The following NCOR2 variants were observed in gnomAD, a reference collection of about 807,000 sequenced individuals.
The protein encoded by NCOR2 is nuclear receptor corepressor 2, also known as CTG repeat protein 26.
A neutral mutation model predicts 262.9 loss-of-function variants in NCOR2; 81 were observed. That is an observed-to-expected ratio of 0.31 (90% confidence interval 0.26 to 0.37). NCOR2 has a LOEUF of 0.37. NCOR2 is among the 10% of genes least tolerant of loss of function. NCOR2 has a pLI of 1.00. For missense variants in NCOR2, 3,385 were observed against 3,621.4 expected, an observed-to-expected ratio of 0.93 and a Z score of 1.68; for synonymous variants, 1,659 against 1,559.3, an observed-to-expected ratio of 1.06 and a Z score of -1.51.
At chr12:124,464,339 G>A (rs146394685) in intron 5 of NCOR2, among the ~76,000 whole-genome samples, 2 of 152,286 alleles carry the variant, frequency 1.3e-5, no homozygotes, top group African/African-American at 4.8e-5. Flanking sequence ...GGAGAGAACC[G>A]TGTCTGCTCT....
chr12:124,328,117 G>GAGCTGGGGGCT (rs2034847590), intron 44 of NCOR2, among the ~76,000 whole-genome samples: 2 of 152,118 alleles, frequency 1.3e-5, no homozygotes, highest in Admixed American at 6.5e-5. Flanking sequence ...GCTCAAGCCA[G>GAGCTGGGGGCT]AGCTGGGGGC....
At chr12:124,493,792 G>T (rs1417601172) in intron 1 of NCOR2, among the ~76,000 whole-genome samples, 3 of 152,208 alleles carry the variant, frequency 2.0e-5, no homozygotes, top group Non-Finnish European at 4.4e-5. Flanking sequence ...CGCAGTAGGT[G>T]CTCAATAAAT....
chr12:124,478,830 GAGAT>G (rs1190892421), intron 3 of NCOR2, among the ~76,000 whole-genome samples: 1 of 152,152 alleles, frequency 6.6e-6, no homozygotes, highest in Non-Finnish European at 1.5e-5. Context: ...CAAACAGAAA[GAGAT>G]AGAGATAGAG....
In NCOR2 at chr12:124,340,278, G is replaced by A. The variant is rs1166642689; in HGVS notation, c.5488+16C>T. ...AAGGAGTCCCGGAGCGGGGGGTGGG[G>A]GCTCTGATGCCCTACCAGGTCTCCA... On this transcript the variant is annotated intron_variant, in intron 36 of 46. Transcript: ENST00000405201. The A allele has an allele frequency of 6.2e-7, 1 of 1,608,894 alleles. No individual in the cohort carries two copies. Among genetic ancestry groups the A allele is most frequent in the Admixed American group, 1.7e-5 (1 of 59,934 alleles).
intron 1 of NCOR2, among the ~76,000 whole-genome samples, chr12:124,529,418 G>A (rs1037362144): frequency 1.3e-5 from 2 of 152,256 alleles, no homozygotes; most frequent in Non-Finnish European, 1.5e-5. Flanking sequence ...AGGTTGCAGT[G>A]AGCCAAGATC....
exon 17 of NCOR2, chr12:124,385,843 C>T: frequency 6.2e-7 from 1 of 1,613,936 alleles, no homozygotes; most frequent in Non-Finnish European, 8.5e-7. Context: ...TTGGAGCCCA[C>T]CATCCGGGCG....
intron 37 of NCOR2, among the ~76,000 whole-genome samples, chr12:124,338,241 C>T (rs2036057431): frequency 2.0e-5 from 3 of 152,264 alleles, no homozygotes; most frequent in African/African-American, 7.2e-5. Flanking sequence ...AGTGCGGTGG[C>T]GCACGCCTGT....
chr12:124,540,202 C>T (rs77478274), upstream of NCOR2, among the ~76,000 whole-genome samples: 1,899 of 147,518 alleles, frequency 0.013, 112 homozygotes, highest in East Asian at 0.17. Context: ...TAAACCATGG[C>T]GACCCAGCAG....
At chr12:124,533,793 A>G (rs1594016213) in intron 1 of NCOR2, among the ~76,000 whole-genome samples, 1 of 152,038 alleles carries the variant, frequency 6.6e-6, no homozygotes, top group Admixed American at 6.6e-5. Context: ...ACTTGCACAA[A>G]CCTAGACCTC....
rs1396540943 is a variant in NCOR2, at chr12:124,454,036, G to A, written c.762+3070C>T. ...CAGGCCGTCCCTGGCCCGGGCTTCT[G>A]GCACCCAGTTGGTAGACAGGACCCT... On this transcript the variant is annotated intron_variant, in intron 6 of 46. Transcript: ENST00000405201. The surrounding 1 kb of genome is among the most constrained non-coding windows in gnomAD (Gnocchi z 5.6). Among the ~76,000 whole-genome samples the A allele has an allele frequency of 6.6e-6, 1 of 152,212 alleles. No individual in the cohort carries two copies. Among genetic ancestry groups the A allele is most frequent in the African/African-American group, 2.4e-5 (1 of 41,456 alleles).
intron 1 of NCOR2, among the ~76,000 whole-genome samples, chr12:124,543,370 GC>G (rs1023299300): frequency 2.0e-4 from 31 of 152,314 alleles, no homozygotes; most frequent in African/African-American, 7.5e-4. Context: ...AATAATAACA[GC>G]CCTCACTTCC....
intron 1 of NCOR2, among the ~76,000 whole-genome samples, chr12:124,558,911 C>T (rs1271956172): frequency 6.6e-6 from 1 of 152,184 alleles, no homozygotes; most frequent in African/African-American, 2.4e-5. Context: ...TATTATTGCC[C>T]AAGGCCATGT....
rs1233183242 is a variant in NCOR2 at position 124,457,091 on chromosome 12, T to C, written c.762+15A>G. ...CCGCCCTCCCCTGAGCCCCTGACCCTGTACCCCAGCTCACCAGCTCCACCT... is the reference window on the plus strand; with the variant it reads ...CCGCCCTCCCCTGAGCCCCTGACCCCGTACCCCAGCTCACCAGCTCCACCT... On this transcript the variant is annotated intron_variant, in intron 6 of 46. Transcript: ENST00000405201. The surrounding 1 kb of genome is among the most constrained non-coding windows in gnomAD (Gnocchi z 4.0). 5 of 650,592 alleles carry C rather than the reference T, an allele frequency of 7.7e-6. No homozygotes were observed. Among genetic ancestry groups the C allele is most frequent in the East Asian group, 8.9e-5 (1 of 11,220 alleles). 40.3% of individuals were successfully genotyped at this position (650,592 alleles called of 1,614,324 possible). A position where few individuals can be genotyped will look rare whatever the true frequency, so the allele number is the denominator to read the frequency against.
intron 20 of NCOR2, among the ~76,000 whole-genome samples, chr12:124,364,855 C>T (rs1435430792): frequency 1.3e-5 from 2 of 152,320 alleles, no homozygotes; most frequent in South Asian, 4.1e-4. Context: ...GCAGCCTAGC[C>T]TGCATTTGGA....
Position 124,457,066 on chromosome 12 carries a change from C to T in NCOR2, c.762+40G>A. Reference sequence around the variant, plus strand: ...TCCCTGCCCACCTCTCCAGCCACCCCCGCCCTCCCCTGAGCCCCTGACCCT... The same window carrying T: ...TCCCTGCCCACCTCTCCAGCCACCCTCGCCCTCCCCTGAGCCCCTGACCCT... On this transcript the variant is annotated intron_variant, in intron 6 of 46. Transcript: ENST00000405201. This position sits in a 1 kb window ranked among gnomAD's most constrained non-coding sequence, Gnocchi z 4.0. 2.4e-6 allele frequency: 3 copies of T among 1,259,144 alleles called. No homozygotes were observed. The highest frequency in any genetic ancestry group is 3.3e-6 in the Non-Finnish European group (3 of 918,430). 78.0% of individuals were successfully genotyped at this position (1,259,144 alleles called of 1,614,324 possible). A position where few individuals can be genotyped will look rare whatever the true frequency, so the allele number is the denominator to read the frequency against.
intron 4 of NCOR2, among the ~76,000 whole-genome samples, chr12:124,469,536 A>G (rs1593695674): frequency 6.6e-6 from 1 of 152,284 alleles, no homozygotes; most frequent in East Asian, 1.9e-4. Context: ...GGTACTAGAG[A>G]AAATACTACC....
intron 15 of NCOR2, among the ~76,000 whole-genome samples, chr12:124,399,196 C>G (rs1037282566): frequency 2.6e-5 from 4 of 152,140 alleles, no homozygotes; most frequent in African/African-American, 7.2e-5. Context: ...CAGCCTCCCC[C>G]ATCTCTGCAG....
intron 1 of NCOR2, among the ~76,000 whole-genome samples, chr12:124,542,037 G>T (rs2051382509): frequency 6.6e-6 from 1 of 151,692 alleles, no homozygotes; most frequent in African/African-American, 2.4e-5. Flanking sequence ...GGCAGGGCCA[G>T]CGAGGACACC....
chr12:124,427,206 C>T (rs1190717772), intron 10 of NCOR2, among the ~76,000 whole-genome samples: 1 of 152,130 alleles, frequency 6.6e-6, no homozygotes, highest in Non-Finnish European at 1.5e-5. Context: ...GCCCTGGGGT[C>T]CAGCTGGCCC....
Sources: gnomAD v4.1 joint callset for allele counts (sites outside exome capture counted in the v4.1 genomes callset) on GRCh38, gnomAD v4.1.1 for gene constraint, Gnocchi (gnomAD v3.1) non-coding constraint, MANE v1.5 for transcripts, NCBI Gene and HGNC (gene_info 2026-07-23, HGNC 2026-07-21) for gene names.